The following CHST11 variants were observed in gnomAD, a reference collection of about 807,000 sequenced individuals.
CHST11 encodes C4S-1.
A neutral mutation model predicts 30.4 loss-of-function variants in CHST11; 9 were observed. That is an observed-to-expected ratio of 0.30 (90% CI 0.18 to 0.52). The LOEUF is 0.52. Among genes scored for constraint, CHST11 ranks in the 20% least tolerant of loss-of-function variants. The pLI is 0.97. For synonymous variants in CHST11, 152 were observed against 187.8 expected (o/e 0.81, Z 1.56); for missense variants, 348 against 460.6 (o/e 0.76, Z 2.24).
intron 1 of CHST11, among the ~76,000 whole-genome samples, chr12:104,537,849 C>A (rs1254428143): frequency 6.6e-6 from 1 of 152,038 alleles, no homozygotes. Context: ...GTGCGTACCA[C>A]CATGCCCGGC....
At chr12:104,725,635 G>A (rs145115221) in intron 2 of CHST11, among the ~76,000 whole-genome samples, 1 of 151,494 alleles carries the variant, frequency 6.6e-6, no homozygotes, top group Non-Finnish European at 1.5e-5. Context: ...ACTTAAATAA[G>A]TCTCAGGACT....
chr12:104,754,074 A>T (rs536080061), intron 2 of CHST11, among the ~76,000 whole-genome samples: 22 of 152,290 alleles, frequency 1.4e-4, no homozygotes, highest in African/African-American at 5.1e-4. Context: ...GAGTGGTGGC[A>T]TTTGGTCTGT....
intron 2 of CHST11, among the ~76,000 whole-genome samples, chr12:104,732,862 A>G (rs2040268322): frequency 6.6e-6 from 1 of 152,286 alleles, no homozygotes; most frequent in Non-Finnish European, 1.5e-5. Context: ...TTGCAGTGAC[A>G]TCGGAATTGG....
intron 1 of CHST11, among the ~76,000 whole-genome samples, chr12:104,527,273 GT>G (rs1222434825): frequency 1.3e-5 from 2 of 152,194 alleles, no homozygotes; most frequent in Non-Finnish European, 2.9e-5. Flanking sequence ...AAATAACTTT[GT>G]TGTTTAGGCC....
At chr12:104,608,100 G>T (rs546924860) in intron 2 of CHST11, among the ~76,000 whole-genome samples, 1 of 152,222 alleles carries the variant, frequency 6.6e-6, no homozygotes, top group African/African-American at 2.4e-5. Flanking sequence ...TAGGGCTGGG[G>T]TGTTGATATT....
Position 104,760,775 on chromosome 12 carries a change from C to G in CHST11, c.*2972C>G, listed in dbSNP as rs2040518183. The stretch of plus-strand genomic sequence containing the variant: ...GTGTTTTGCTTTGTGTTCACATTTT[C>G]TTTTCTAATGGCATTGAAACTTTAA... On this transcript the variant is annotated 3_prime_UTR_variant, in exon 3 of 3. Transcript: ENST00000303694. 6.6e-6 allele frequency: 1 copy of G among 152,090 alleles called. No individual in the cohort carries two copies. The highest frequency in any genetic ancestry group is 6.5e-5 in the Admixed American group (1 of 15,268). 9.4% of individuals were successfully genotyped at this position (152,090 alleles called of 1,614,324 possible).
At chr12:104,749,326 C>A (rs1322255636) in intron 2 of CHST11, among the ~76,000 whole-genome samples, 3 of 152,194 alleles carry the variant, frequency 2.0e-5, no homozygotes, top group African/African-American at 7.2e-5. Context: ...ATCATATTTC[C>A]CCTTTTGTCC....
At chr12:104,492,374 T>C (rs2037755810) in intron 1 of CHST11, among the ~76,000 whole-genome samples, 1 of 152,190 alleles carries the variant, frequency 6.6e-6, no homozygotes, top group South Asian at 2.1e-4. Flanking sequence ...TTATTTATTT[T>C]AAAGGCATGT....
At chr12:104,497,363 A>G (rs902216703) in intron 1 of CHST11, among the ~76,000 whole-genome samples, 3 of 152,336 alleles carry the variant, frequency 2.0e-5, no homozygotes, top group South Asian at 4.1e-4. Context: ...ATGGGAGGAC[A>G]CGGCAAGATG....
intron 2 of CHST11, among the ~76,000 whole-genome samples, chr12:104,682,764 C>A (rs1359568251): frequency 6.6e-6 from 1 of 152,240 alleles, no homozygotes; most frequent in Admixed American, 6.5e-5. Context: ...GAAATAAATT[C>A]TGCCCCATGG....
intron 2 of CHST11, among the ~76,000 whole-genome samples, chr12:104,735,207 T>C (rs1042962409): frequency 3.9e-5 from 6 of 152,170 alleles, no homozygotes; most frequent in Non-Finnish European, 8.8e-5. Flanking sequence ...CCGGCTAGCT[T>C]TGTGACTTAA....
intron 1 of CHST11, among the ~76,000 whole-genome samples, chr12:104,550,660 G>C (rs145242794): frequency 6.6e-6 from 1 of 152,358 alleles, no homozygotes; most frequent in East Asian, 1.9e-4. Flanking sequence ...GGAAACCTCT[G>C]TCTTGCCCAT....
rs970998890 is a variant in CHST11 at position 104,457,324 on chromosome 12, C to G, written c.-88C>G. 5 of 902,976 alleles carry G rather than the reference C, an allele frequency of 5.5e-6. No homozygotes were observed. The highest frequency in any genetic ancestry group is 1.7e-5 in the African/African-American group (1 of 60,448). 55.9% of individuals were successfully genotyped at this position (902,976 alleles called of 1,614,324 possible). ...TTGCTCAGCTCTGCCCCGCGCCTCC[C>G]GGGCTCCGGTCCGCGCGGCGGGGTC... On this transcript the variant is annotated 5_prime_UTR_variant, in exon 1 of 3. Transcript: ENST00000303694.
chr12:104,576,103 TACTC>T (rs1157841998), intron 1 of CHST11, among the ~76,000 whole-genome samples: 1 of 152,012 alleles, frequency 6.6e-6, no homozygotes, highest in East Asian at 2.0e-4. Flanking sequence ...CATGTCAACT[TACTC>T]ACAGGCGTGA....
intron 2 of CHST11, among the ~76,000 whole-genome samples, chr12:104,647,528 AT>A (rs1189088561): frequency 6.6e-6 from 1 of 152,234 alleles, no homozygotes; most frequent in Non-Finnish European, 1.5e-5. Flanking sequence ...ATATATAAAA[AT>A]ATACATTTTT....
chr12:104,517,747 T>C (rs989059772), intron 1 of CHST11, among the ~76,000 whole-genome samples: 1 of 152,208 alleles, frequency 6.6e-6, no homozygotes, highest in African/African-American at 2.4e-5. Context: ...AGGAAGAATT[T>C]CATCTCTGTG....
At chr12:104,719,972 C>T (rs1443044245) in intron 2 of CHST11, among the ~76,000 whole-genome samples, 1 of 152,256 alleles carries the variant, frequency 6.6e-6, no homozygotes, top group Non-Finnish European at 1.5e-5. Flanking sequence ...TGCTCCGTGG[C>T]TCCTGAGAAG....
intron 1 of CHST11, among the ~76,000 whole-genome samples, chr12:104,546,778 A>C (rs1036409520): frequency 6.6e-6 from 1 of 152,202 alleles, no homozygotes; most frequent in African/African-American, 2.4e-5. Flanking sequence ...AAGCAAAACA[A>C]GTCCAGAAAC....
chr12:104,733,920 G>C lies in CHST11; in HGVS notation c.205-23029G>C, dbSNP rs376942301. ...GCTTTGAGCCTTCTGATGATGCCAT[G>C]ATGGCTGCCATGCCCCCATGGCCCA... On this transcript the variant is annotated intron_variant, in intron 2 of 2. Coordinates refer to ENST00000303694, the MANE Select transcript of CHST11 (RefSeq NM_018413.6). Among the ~76,000 whole-genome samples the C allele has an allele frequency of 3.3e-5, 5 of 152,254 alleles. No individual in the cohort carries two copies. In the East Asian group the frequency reaches 9.6e-4, roughly 29 times the overall value.
Sources: gnomAD v4.1 joint callset for allele counts (sites outside exome capture counted in the v4.1 genomes callset) on GRCh38, gnomAD v4.1.1 for gene constraint, MANE v1.5 for transcripts, NCBI Gene and HGNC (gene_info 2026-07-23, HGNC 2026-07-21) for gene names.